The following NEGR1 variants were observed in gnomAD, a reference collection of about 807,000 sequenced individuals.
NEGR1 encodes IgLON family member 4.
NEGR1 carries 10 observed loss-of-function variants against 40.9 expected under a neutral mutation model. The ratio of observed to expected loss-of-function variants is 0.24; its 90% CI spans 0.15 to 0.42. The LOEUF is 0.42. Ranked by LOEUF, NEGR1 falls within the 10% of genes least tolerant of loss-of-function variation. The probability of loss-of-function intolerance (pLI) is 1.00; values close to 1 mark genes in which losing one functional copy is unlikely to be tolerated. For synonymous variants in NEGR1, 185 were observed against 166.8 expected, an observed-to-expected ratio of 1.11 and a Z score of -0.84; for missense variants, 352 against 438.9, an observed-to-expected ratio of 0.80 and a Z score of 1.77.
At chr1:72,223,651 A>C (rs1426562814) in intron 1 of NEGR1, among the ~76,000 whole-genome samples, 1 of 152,194 alleles carries the variant, frequency 6.6e-6, no homozygotes, top group Non-Finnish European at 1.5e-5. Context: ...AACACTAAAT[A>C]GCAAGTGATG....
chr1:71,944,986 T>C (rs565762778), intron 1 of NEGR1, among the ~76,000 whole-genome samples: 20 of 152,278 alleles, frequency 1.3e-4, no homozygotes, highest in African/African-American at 4.8e-4. Context: ...AAAAAATTAA[T>C]GTTTTTTTAA....
chr1:71,898,964 C>CATATATATATATAT, intron 2 of NEGR1, among the ~76,000 whole-genome samples: 1 of 95,934 alleles, frequency 1.0e-5, no homozygotes, highest in African/African-American at 5.2e-5. Flanking sequence ...ATATATATAG[C>CATATATATATATAT]ATATATATAT....
chr1:71,930,593 A>C (rs1366802308), intron 2 of NEGR1, among the ~76,000 whole-genome samples: 2 of 152,194 alleles, frequency 1.3e-5, no homozygotes, highest in African/African-American at 4.8e-5. Flanking sequence ...ATAGAATATT[A>C]ATAATAAATG....
At chr1:71,759,287 CTTTTTTTTT>C (rs759687500) in intron 3 of NEGR1, among the ~76,000 whole-genome samples, 1,631 of 85,220 alleles carry the variant, frequency 0.019, 17 homozygotes, top group African/African-American at 0.074. Flanking sequence ...AAGATTATAA[CTTTTTTTTT>C]TTTTTTTTTT....
chr1:71,655,192 G>A (rs932316188), intron 4 of NEGR1, among the ~76,000 whole-genome samples: 1 of 152,144 alleles, frequency 6.6e-6, no homozygotes, highest in African/African-American at 2.4e-5. Flanking sequence ...AATTGCTGTG[G>A]AGGAAGGTCT....
chr1:71,408,788 T>C (rs961937395), intron 6 of NEGR1: 1 of 152,076 alleles, frequency 6.6e-6, no homozygotes, highest in African/African-American at 2.4e-5. Context: ...AGAAATCGAC[T>C]ACTTCATTTC....
intron 5 of NEGR1, among the ~76,000 whole-genome samples, chr1:71,599,935 A>G (rs1302474151): frequency 6.6e-6 from 1 of 152,082 alleles, no homozygotes; most frequent in South Asian, 2.1e-4. Flanking sequence ...CTATGACTGG[A>G]TTTCTCCCCA....
chr1:71,703,169 A>C (rs1653759206), intron 3 of NEGR1: 1 of 152,174 alleles, frequency 6.6e-6, no homozygotes, highest in African/African-American at 2.4e-5. Flanking sequence ...TTGATGAACA[A>C]GAATATAATC....
At chr1:71,590,020 T>C (rs1385288121) in intron 6 of NEGR1, among the ~76,000 whole-genome samples, 1 of 152,166 alleles carries the variant, frequency 6.6e-6, no homozygotes, top group Non-Finnish European at 1.5e-5. Context: ...TGTTTCATAC[T>C]GCCATGTCTT....
chr1:72,097,574 A>T (rs547968539), intron 1 of NEGR1, among the ~76,000 whole-genome samples: 11 of 152,308 alleles, frequency 7.2e-5, no homozygotes, highest in African/African-American at 2.6e-4. Flanking sequence ...TCTGGGCCTT[A>T]AGTTCAAAAA....
chr1:71,868,477 T>TAG lies in NEGR1; in HGVS notation c.409+66601_409+66602insCT, dbSNP rs1557682681. 3.4e-3 allele frequency among the ~76,000 whole-genome samples: 269 copies of TAG among 79,772 alleles called. 1 individual carries two copies. Among genetic ancestry groups the TAG allele is most frequent in the African/African-American group, 0.012 (258 of 22,140 alleles). 52.3% of individuals were successfully genotyped at this position (79,772 alleles called of 152,430 possible). A position where few individuals can be genotyped will look rare whatever the true frequency, so the allele number is the denominator to read the frequency against. ...TAGATAGATAGATAGACAGAATACA[T>TAG]ACATACATACATACATACATACATA... On this transcript the variant is annotated intron_variant, in intron 2 of 6. Coordinates refer to ENST00000357731, the MANE Select transcript of NEGR1 (RefSeq NM_173808.3).
At chr1:71,456,722 G>C (rs761760571) in intron 6 of NEGR1, among the ~76,000 whole-genome samples, 1 of 152,178 alleles carries the variant, frequency 6.6e-6, no homozygotes, top group Non-Finnish European at 1.5e-5. Flanking sequence ...TCATAAGACA[G>C]ACATAAATCA....
intron 3 of NEGR1, among the ~76,000 whole-genome samples, chr1:71,727,437 A>G: frequency 6.6e-6 from 1 of 152,164 alleles, no homozygotes; most frequent in Non-Finnish European, 1.5e-5. Context: ...CTCACACTTC[A>G]GACATTTATT....
At chr1:71,590,595 ACTAAC>A (rs1570074468) in intron 6 of NEGR1, among the ~76,000 whole-genome samples, 1 of 152,218 alleles carries the variant, frequency 6.6e-6, no homozygotes, top group East Asian at 1.9e-4. Flanking sequence ...TTGCTTTGTC[ACTAAC>A]CATTTGGCTT....
intron 4 of NEGR1, among the ~76,000 whole-genome samples, chr1:71,680,599 C>A (rs988784597): frequency 6.6e-6 from 1 of 151,820 alleles, no homozygotes; most frequent in Admixed American, 6.6e-5. Context: ...ACTGTATGTT[C>A]ATTTCTGTTT....
chr1:71,690,925 G>T (rs183800849), intron 4 of NEGR1, among the ~76,000 whole-genome samples: 23 of 152,002 alleles, frequency 1.5e-4, no homozygotes, highest in Admixed American at 2.6e-4. Flanking sequence ...TTAAAGGAAA[G>T]AAATTGTTTT....
intron 6 of NEGR1, among the ~76,000 whole-genome samples, chr1:71,580,988 G>A (rs614305): frequency 0.99 from 151,436 of 152,332 alleles, 75,274 homozygotes; most frequent in East Asian, 1. Flanking sequence ...TATTAAAATT[G>A]AATTCTATAA....
intron 2 of NEGR1, among the ~76,000 whole-genome samples, chr1:71,930,730 T>A (rs990154747): frequency 2.0e-5 from 3 of 152,114 alleles, no homozygotes; most frequent in African/African-American, 7.2e-5. Flanking sequence ...GAGTTTAGAG[T>A]GCAAGATGTT....
intron 6 of NEGR1, among the ~76,000 whole-genome samples, chr1:71,532,380 T>C (rs115724066): frequency 6.6e-6 from 1 of 151,664 alleles, no homozygotes; most frequent in Non-Finnish European, 1.5e-5. Context: ...AACTTGATAG[T>C]TTCAAGAGAC....
Sources: gnomAD v4.1 joint callset for allele counts (sites outside exome capture counted in the v4.1 genomes callset) on GRCh38, gnomAD v4.1.1 for gene constraint, MANE v1.5 for transcripts, NCBI Gene and HGNC (gene_info 2026-07-23, HGNC 2026-07-21) for gene names.